Variants in SSBP2 observed in about 807,000 individuals in gnomAD.
The protein encoded by SSBP2 is single stranded DNA binding protein 2.
SSBP2 carries 17 observed loss-of-function variants against 61.8 expected under a neutral mutation model. The ratio of observed to expected loss-of-function variants is 0.28; its 90% confidence interval spans 0.19 to 0.41. The LOEUF is 0.41. SSBP2 is among the 10% of genes least tolerant of loss of function. SSBP2 has a pLI of 1.00. For synonymous variants in SSBP2, 139 were observed against 141.3 expected (o/e 0.98, Z 0.12); for missense variants, 310 against 458.7 (o/e 0.68, Z 2.96).
chr5:81,608,818 T>C (rs1745146246), intron 4 of SSBP2, among the ~76,000 whole-genome samples: 1 of 152,146 alleles, frequency 6.6e-6, no homozygotes, highest in African/African-American at 2.4e-5. Context: ...ATTTTAATGC[T>C]TTTGGAAATG....
intron 4 of SSBP2, among the ~76,000 whole-genome samples, chr5:81,611,477 A>T (rs1292848570): frequency 6.6e-6 from 1 of 152,140 alleles, no homozygotes; most frequent in Non-Finnish European, 1.5e-5. Flanking sequence ...ATTTTCTATG[A>T]TTTCTACATC....
intron 1 of SSBP2, among the ~76,000 whole-genome samples, chr5:81,674,124 T>C (rs1164221309): frequency 3.9e-5 from 6 of 152,174 alleles, no homozygotes; most frequent in Non-Finnish European, 7.4e-5. Flanking sequence ...TAAGGATGTA[T>C]AATTCCTGAA....
At chr5:81,586,886 G>A (rs921121107) in intron 4 of SSBP2, among the ~76,000 whole-genome samples, 37 of 151,802 alleles carry the variant, frequency 2.4e-4, no homozygotes, top group African/African-American at 8.7e-4. Context: ...TACATGATCA[G>A]CCCCAGTAAA....
intron 5 of SSBP2, among the ~76,000 whole-genome samples, chr5:81,497,672 T>C (rs1212815684): frequency 6.6e-6 from 1 of 152,028 alleles, no homozygotes; most frequent in Non-Finnish European, 1.5e-5. Context: ...TAAGAGTAAG[T>C]AAAAAACAAA....
chr5:81,750,931 A>G (rs1376498298), intron 1 of SSBP2, 50 bp downstream of exon 1: 1 of 1,532,876 alleles, frequency 6.5e-7, no homozygotes, highest in African/African-American at 1.4e-5. Context: ...TGCGTGCGTG[A>G]GTGTGCGCGC....
intron 1 of SSBP2, among the ~76,000 whole-genome samples, chr5:81,675,481 C>T (rs1182153085): frequency 6.6e-6 from 1 of 152,098 alleles, no homozygotes; most frequent in African/African-American, 2.4e-5. Flanking sequence ...TTTAGGGATG[C>T]CAAAATAAAA....
At chr5:81,582,021 C>G (rs1041426613) in intron 4 of SSBP2, among the ~76,000 whole-genome samples, 3 of 152,076 alleles carry the variant, frequency 2.0e-5, no homozygotes, top group African/African-American at 7.2e-5. Flanking sequence ...CTCAGTTTTT[C>G]AAAAGCCTTT....
intron 4 of SSBP2, among the ~76,000 whole-genome samples, chr5:81,593,271 C>G (rs1743297071): frequency 6.6e-6 from 1 of 151,958 alleles, no homozygotes. Context: ...TGAAATGAAG[C>G]AGGAAGAGAA....
intron 5 of SSBP2, among the ~76,000 whole-genome samples, chr5:81,508,918 T>C (rs1000390215): frequency 6.6e-6 from 1 of 152,198 alleles, no homozygotes; most frequent in Non-Finnish European, 1.5e-5. Flanking sequence ...CTAATTCTAA[T>C]AGGCTAAATT....
At chr5:81,649,056 C>T (rs1442574313) in intron 2 of SSBP2, among the ~76,000 whole-genome samples, 2 of 151,960 alleles carry the variant, frequency 1.3e-5, no homozygotes, top group African/African-American at 4.8e-5. Flanking sequence ...CCATATTGGA[C>T]AGCACAGATA....
intron 1 of SSBP2, among the ~76,000 whole-genome samples, chr5:81,730,319 G>T (rs1756175252): frequency 6.6e-6 from 1 of 152,296 alleles, no homozygotes; most frequent in East Asian, 1.9e-4. Flanking sequence ...CCACCTCCTG[G>T]GTTCAAGCAA....
chr5:81,491,937 C>T (rs1766885485), intron 5 of SSBP2, among the ~76,000 whole-genome samples: 1 of 152,100 alleles, frequency 6.6e-6, no homozygotes, highest in Admixed American at 6.6e-5. Flanking sequence ...CACCTAAGTC[C>T]TCAACTGCCT....
At chr5:81,587,765 A>G (rs62368678) in intron 4 of SSBP2, among the ~76,000 whole-genome samples, 28,486 of 140,564 alleles carry the variant, frequency 0.2, 2,678 homozygotes, top group African/African-American at 0.24. Context: ...ACGCGCGCGC[A>G]CACACACACA....
chr5:81,751,435 C>T (rs893488735), upstream of SSBP2, among the ~76,000 whole-genome samples: 1 of 152,214 alleles, frequency 6.6e-6, no homozygotes, highest in Admixed American at 6.5e-5. Context: ...TCCGCCGCCA[C>T]CCCTCCCCCC....
At chr5:81,713,620 A>C (rs1212713966) in intron 1 of SSBP2, among the ~76,000 whole-genome samples, 1 of 152,182 alleles carries the variant, frequency 6.6e-6, no homozygotes, top group Non-Finnish European at 1.5e-5. Flanking sequence ...AGATTATCCT[A>C]AACAGAAACC....
At position 81,725,385 on chromosome 5, in the gene SSBP2, G is replaced by A. The variant is rs567112653; in HGVS notation, c.62+25596C>T. On this transcript the variant is annotated intron_variant, in intron 1 of 16. Coordinates refer to ENST00000320672, the MANE Select transcript of SSBP2 (RefSeq NM_012446.5). ...ATACAGAGTGCCAGTGGAAATGGAG[G>A]AAAAGAGAACTACTATGTACTCCTA... 9.9e-5 allele frequency among the ~76,000 whole-genome samples: 15 copies of A among 152,250 alleles called. 1 individual carries two copies. The South Asian group carries it at 2.1e-3, about 21-fold the overall frequency.
At chr5:81,634,591 G>GT (rs1748032110) in intron 3 of SSBP2, among the ~76,000 whole-genome samples, 1 of 152,128 alleles carries the variant, frequency 6.6e-6, no homozygotes, top group Non-Finnish European at 1.5e-5. Flanking sequence ...TAAATAAACA[G>GT]TATTACTCTC....
chr5:81,584,950 CTA>C lies in SSBP2; in HGVS notation c.282+30521_282+30522del, dbSNP rs572311179. ...TTCTCACTTAGTCTTCATAACAACT[CTA>C]TGAGTTAAGTAGTTTAAGATAAAGA... is the stretch of plus-strand genomic sequence containing the variant. On this transcript the variant is annotated intron_variant, in intron 4 of 16. Transcript: ENST00000320672. Among the ~76,000 whole-genome samples the C allele has an allele frequency of 2.1e-3, 323 of 152,030 alleles. 2 individuals are homozygous for C. Among genetic ancestry groups the C allele is most frequent in the African/African-American group, 7.3e-3 (304 of 41,510 alleles).
At chr5:81,594,290 AAC>A (rs1743467556) in intron 4 of SSBP2, among the ~76,000 whole-genome samples, 1 of 152,186 alleles carries the variant, frequency 6.6e-6, no homozygotes, top group African/African-American at 2.4e-5. Flanking sequence ...AAGAAGAGCT[AAC>A]TATCCTAAAT....
Sources: gnomAD v4.1 joint callset for allele counts (sites outside exome capture counted in the v4.1 genomes callset) on GRCh38, gnomAD v4.1.1 for gene constraint, MANE v1.5 for transcripts, NCBI Gene and HGNC (gene_info 2026-07-23, HGNC 2026-07-21) for gene names.